The following DPY19L1 variants were observed in gnomAD, a reference collection of about 807,000 sequenced individuals.
DPY19L1 encodes the protein protein C-mannosyl-transferase DPY19L1.
Under a neutral mutation model 96.9 loss-of-function variants are expected in DPY19L1, and 35 were observed. The observed-to-expected ratio is 0.36, with a 90% CI of 0.28 to 0.48. The LOEUF (loss-of-function observed/expected upper bound fraction) is 0.48. Ranked by LOEUF, DPY19L1 falls within the 20% of genes least tolerant of loss-of-function variation. DPY19L1 has a pLI of 0.99. For missense variants in DPY19L1, 521 were observed against 777.9 expected (o/e 0.67, Z 3.93); for synonymous variants, 205 against 252.6 (o/e 0.81, Z 1.79).
chr7:34,974,616 G>A (rs559593597), intron 7 of DPY19L1, among the ~76,000 whole-genome samples: 1 of 152,176 alleles, frequency 6.6e-6, no homozygotes, highest in African/African-American at 2.4e-5. Context: ...AATGTATACT[G>A]TTGTTACTAG....
intron 6 of DPY19L1, 31 bp from the exon 7 acceptor site, chr7:34,989,972 CA>C: frequency 1.3e-6 from 2 of 1,590,132 alleles, no homozygotes; most frequent in African/African-American, 1.4e-5. Context: ...ACTCAAATAA[CA>C]AAAATTCAGG....
At chr7:34,996,484 A>T (rs1785286785) in intron 6 of DPY19L1, among the ~76,000 whole-genome samples, 3 of 152,094 alleles carry the variant, frequency 2.0e-5, no homozygotes, top group Admixed American at 1.3e-4. Context: ...TCTCCTCTGA[A>T]CAAATGCTTC....
chr7:34,939,412 G>C (rs375395787), intron 19 of DPY19L1, 37 bp from the exon 20 acceptor site: 1 of 1,570,190 alleles, frequency 6.4e-7, no homozygotes, highest in African/African-American at 1.4e-5. Context: ...AAGACACTCA[G>C]TGAAGGCGAG....
At chr7:34,947,605 A>T (rs1784176469) in intron 15 of DPY19L1, 25 bp downstream of exon 15, 1 of 1,576,616 alleles carries the variant, frequency 6.3e-7, no homozygotes, top group Non-Finnish European at 8.6e-7. Flanking sequence ...TATTATAAGA[A>T]AGAGCTCTTA....
chr7:35,029,267 A>T (rs994389627), intron 1 of DPY19L1, among the ~76,000 whole-genome samples: 2 of 152,256 alleles, frequency 1.3e-5, no homozygotes, highest in Non-Finnish European at 2.9e-5. Flanking sequence ...TTATTAAAAA[A>T]GTGCATTTTA....
intron 1 of DPY19L1, among the ~76,000 whole-genome samples, chr7:35,027,010 C>T (rs909229805): frequency 8.6e-5 from 13 of 151,968 alleles, no homozygotes; most frequent in Non-Finnish European, 1.3e-4. Context: ...GCCTGGCCAA[C>T]ATGATGAAAC....
chr7:34,943,007 T>G (rs181718779), intron 16 of DPY19L1, among the ~76,000 whole-genome samples: 30 of 152,326 alleles, frequency 2.0e-4, no homozygotes, highest in Admixed American at 1.6e-3. Flanking sequence ...CGTGGTTATA[T>G]GTGTAAATCT....
chr7:35,021,004 C>T (rs1396165918), intron 1 of DPY19L1, among the ~76,000 whole-genome samples: 1 of 152,156 alleles, frequency 6.6e-6, no homozygotes, highest in Admixed American at 6.5e-5. Context: ...CCACCACACC[C>T]GGCCCTAATT....
intron 10 of DPY19L1, among the ~76,000 whole-genome samples, chr7:34,961,832 AC>A (rs1397290481): frequency 6.6e-6 from 1 of 152,202 alleles, no homozygotes; most frequent in Non-Finnish European, 1.5e-5. Context: ...TAGACACTTC[AC>A]CAAAAAAGAT....
At chr7:34,956,211 G>A (rs1282052023) in intron 11 of DPY19L1, among the ~76,000 whole-genome samples, 1 of 152,124 alleles carries the variant, frequency 6.6e-6, no homozygotes, top group South Asian at 2.1e-4. Context: ...CGATTCAATG[G>A]TTTCCCTGTC....
At chr7:35,000,270 T>G (rs1195960377) in intron 6 of DPY19L1, 1 of 152,162 alleles carries the variant, frequency 6.6e-6, no homozygotes, top group Non-Finnish European at 1.5e-5. Flanking sequence ...TACAGTATAT[T>G]TTAACCTTGG....
At chr7:35,037,928 T>C (rs1786489586), upstream of DPY19L1, 5 of 1,231,034 alleles carry the variant, frequency 4.1e-6, no homozygotes, top group African/African-American at 1.6e-5. Context: ...GGAAGAGCCC[T>C]CTCGGGATCG....
In DPY19L1 at chr7:34,949,806, C is replaced by T. The variant is rs1784233043; in HGVS notation, c.1413G>A (p.Met471Ile). The T allele has an allele frequency of 6.3e-7, 1 of 1,592,554 alleles. No homozygotes were observed. The highest frequency in any genetic ancestry group is 8.6e-7 in the Non-Finnish European group (1 of 1,167,706). The change falls in exon 14 of 22, where the codon ATG becomes ATA. Residue 471 changes from methionine (M) to isoleucine (I), a missense_variant. Met to Ile is a conservative substitution (Grantham distance 10). Transcript: ENST00000638088. ...AGAAATCACATCTTACCTCTTTTTC[C>T]ATAAAGTCAAACTCCGCTGCACAGG... The part of the protein sequence containing the change: ...LYTCAAEFDF[M>I]EKETPLRYTK...
chr7:35,022,749 C>A (rs1158360633), intron 1 of DPY19L1, among the ~76,000 whole-genome samples: 5 of 152,014 alleles, frequency 3.3e-5, no homozygotes, highest in African/African-American at 1.2e-4. Flanking sequence ...CTAATAACCT[C>A]AATTGAATAT....
At chr7:35,013,295 C>T (rs553701602) in intron 4 of DPY19L1, among the ~76,000 whole-genome samples, 65 of 152,174 alleles carry the variant, frequency 4.3e-4, no homozygotes, top group Non-Finnish European at 2.9e-5. Flanking sequence ...AAAGTAACAG[C>T]GCTCCCTTGG....
At chr7:35,000,788 G>A (rs151287129) in intron 6 of DPY19L1, 59 of 152,276 alleles carry the variant, frequency 3.9e-4, no homozygotes, top group African/African-American at 1.3e-3. Flanking sequence ...TTAGTGTCAT[G>A]TATCTTTAAA....
chr7:35,032,604 C>T (rs1786286970), intron 1 of DPY19L1, among the ~76,000 whole-genome samples: 2 of 152,110 alleles, frequency 1.3e-5, no homozygotes, highest in Non-Finnish European at 2.9e-5. Flanking sequence ...TCCACTCAGA[C>T]CTTTTCTCTC....
chr7:35,022,065 T>G (rs1584260898), intron 1 of DPY19L1, among the ~76,000 whole-genome samples: 1 of 151,686 alleles, frequency 6.6e-6, no homozygotes, highest in African/African-American at 2.4e-5. Flanking sequence ...AAGGCACCCC[T>G]AAAGAGCTTT....
chr7:35,003,648 C>T (rs1400687253), intron 6 of DPY19L1, among the ~76,000 whole-genome samples: 5 of 152,236 alleles, frequency 3.3e-5, no homozygotes, highest in Non-Finnish European at 5.9e-5. Context: ...ATGTCCCTAC[C>T]GACTGAGTCC....
Sources: gnomAD v4.1 joint callset for allele counts (sites outside exome capture counted in the v4.1 genomes callset) on GRCh38, gnomAD v4.1.1 for gene constraint, MANE v1.5 for transcripts, NCBI Gene and HGNC (gene_info 2026-07-23, HGNC 2026-07-21) for gene names.